CHCHD3: variants seen among roughly 807,000 people sequenced by gnomAD.
The protein encoded by CHCHD3 is coiled-coil-helix-coiled-coil-helix domain containing 3, also known as MICOS complex subunit MIC19.
A neutral mutation model predicts 38.2 loss-of-function variants in CHCHD3; 20 were observed. That is an observed-to-expected ratio of 0.52 (90% CI 0.37 to 0.76). The LOEUF (loss-of-function observed/expected upper bound fraction) is 0.76. Ranked by LOEUF, CHCHD3 falls within the 30% of genes least tolerant of loss-of-function variation. The pLI is 0.00. For synonymous variants in CHCHD3, 82 were observed against 100.0 expected, an observed-to-expected ratio of 0.82 and a Z score of 1.07; for missense variants, 245 against 279.2, an observed-to-expected ratio of 0.88 and a Z score of 0.87.
intron 6 of CHCHD3, among the ~76,000 whole-genome samples, chr7:132,799,658 T>C (rs1006986551): frequency 6.6e-6 from 1 of 152,188 alleles, no homozygotes; most frequent in Admixed American, 6.6e-5. Context: ...GAAGATCTAA[T>C]AGTTACTCAA....
intron 2 of CHCHD3, among the ~76,000 whole-genome samples, chr7:133,031,681 G>C (rs10246888): frequency 0.39 from 58,806 of 151,862 alleles, 11,578 homozygotes; most frequent in East Asian, 0.55. Context: ...TATAGGTCAT[G>C]GCCAATTTTG....
intron 6 of CHCHD3, among the ~76,000 whole-genome samples, chr7:132,828,225 T>TATAC (rs2117079474): frequency 6.6e-6 from 1 of 152,292 alleles, no homozygotes; most frequent in East Asian, 1.9e-4. Flanking sequence ...TTTGCCATTG[T>TATAC]ATACCCCCAC....
At chr7:133,077,990 C>T (rs1025907441) in intron 1 of CHCHD3, among the ~76,000 whole-genome samples, 6 of 152,086 alleles carry the variant, frequency 3.9e-5, no homozygotes, top group African/African-American at 1.4e-4. Flanking sequence ...TTAAGGACCT[C>T]AACAATATAG....
chr7:133,057,680 T>C (rs1262708874), intron 2 of CHCHD3, among the ~76,000 whole-genome samples: 6 of 152,202 alleles, frequency 3.9e-5, no homozygotes. Flanking sequence ...AATGTCATTT[T>C]TGCAAAAAAG....
intron 4 of CHCHD3, among the ~76,000 whole-genome samples, chr7:132,886,026 T>C (rs949451905): frequency 1.3e-5 from 2 of 152,182 alleles, no homozygotes; most frequent in Non-Finnish European, 2.9e-5. Flanking sequence ...CTTATTTAAC[T>C]TCCCTATCAA....
chr7:132,895,656 T>C (rs1245603750), intron 4 of CHCHD3, among the ~76,000 whole-genome samples: 2 of 152,244 alleles, frequency 1.3e-5, no homozygotes, highest in African/African-American at 4.8e-5. Flanking sequence ...TGAGATATGA[T>C]TGTTTTATAA....
intron 4 of CHCHD3, among the ~76,000 whole-genome samples, chr7:132,919,313 G>A (rs1443320763): frequency 4.0e-5 from 6 of 151,658 alleles, no homozygotes; most frequent in African/African-American, 1.2e-4. Context: ...GGGTTTCATC[G>A]TGTTAACCAG....
chr7:133,076,250 A>G (rs974924333), intron 1 of CHCHD3, among the ~76,000 whole-genome samples: 7 of 152,148 alleles, frequency 4.6e-5, no homozygotes, highest in African/African-American at 1.7e-4. Context: ...GTAGCAAAGA[A>G]TAGTGAAATA....
intron 3 of CHCHD3, among the ~76,000 whole-genome samples, chr7:132,984,224 G>C (rs1158854247): frequency 6.6e-6 from 1 of 151,654 alleles, no homozygotes; most frequent in Non-Finnish European, 1.5e-5. Flanking sequence ...CGCCACGCCT[G>C]ACTGGTTTTC....
At chr7:132,979,362 C>T (rs550128064) in intron 3 of CHCHD3, among the ~76,000 whole-genome samples, 1 of 152,164 alleles carries the variant, frequency 6.6e-6, no homozygotes, top group East Asian at 1.9e-4. Context: ...TAAATTTATT[C>T]AGTATATAAT....
chr7:132,903,685 C>T (rs574350490), intron 4 of CHCHD3, among the ~76,000 whole-genome samples: 1 of 152,268 alleles, frequency 6.6e-6, no homozygotes, highest in East Asian at 1.9e-4. Flanking sequence ...GGGTATCCGG[C>T]CTGCTTATGG....
At chr7:132,854,167 A>T (rs1462146314) in intron 5 of CHCHD3, among the ~76,000 whole-genome samples, 1 of 152,202 alleles carries the variant, frequency 6.6e-6, no homozygotes, top group African/African-American at 2.4e-5. Flanking sequence ...TCATGTCTGG[A>T]AATATGTGAA....
chr7:132,918,317 C>T (rs1057409009), intron 4 of CHCHD3, among the ~76,000 whole-genome samples: 1 of 152,114 alleles, frequency 6.6e-6, no homozygotes, highest in African/African-American at 2.4e-5. Context: ...GCTTTAGATT[C>T]CCCATCAGTA....
At chr7:132,814,424 C>A (rs1807148714) in intron 6 of CHCHD3, among the ~76,000 whole-genome samples, 1 of 152,168 alleles carries the variant, frequency 6.6e-6, no homozygotes, top group Admixed American at 6.5e-5. Context: ...TGTGAAAGTG[C>A]TAATGATGAT....
intron 6 of CHCHD3, among the ~76,000 whole-genome samples, chr7:132,797,644 T>C (rs1806654274): frequency 6.6e-6 from 1 of 152,196 alleles, no homozygotes; most frequent in Non-Finnish European, 1.5e-5. Context: ...GAAAACATTT[T>C]AAAGTCCCCT....
intron 4 of CHCHD3, among the ~76,000 whole-genome samples, chr7:132,931,221 T>C (rs1225653024): frequency 1.3e-5 from 2 of 152,206 alleles, no homozygotes; most frequent in Non-Finnish European, 2.9e-5. Flanking sequence ...CATCAATAAA[T>C]GTTAAATAAT....
intron 2 of CHCHD3, among the ~76,000 whole-genome samples, chr7:133,068,267 A>T (rs189767999): frequency 1.1e-3 from 171 of 152,358 alleles, no homozygotes; most frequent in African/African-American, 3.9e-3. Context: ...TCAACAAACG[A>T]TAATAAGCAC....
intron 6 of CHCHD3, chr7:132,830,739 C>T (rs1475694803): frequency 6.6e-6 from 1 of 152,148 alleles, no homozygotes; most frequent in South Asian, 2.1e-4. Context: ...CCAGAGGGGA[C>T]ATGATATACT....
At chr7:133,039,799 T>G (rs1360555476) in intron 2 of CHCHD3, among the ~76,000 whole-genome samples, 1 of 152,198 alleles carries the variant, frequency 6.6e-6, no homozygotes, top group Non-Finnish European at 1.5e-5. Context: ...AGACTACATC[T>G]TCCAGCTTCT....
Sources: gnomAD v4.1 joint callset for allele counts (sites outside exome capture counted in the v4.1 genomes callset) on GRCh38, gnomAD v4.1.1 for gene constraint, MANE v1.5 for transcripts, NCBI Gene and HGNC (gene_info 2026-07-23, HGNC 2026-07-21) for gene names.